The following CACNA1C variants were observed in gnomAD, a reference collection of about 807,000 sequenced individuals.
CACNA1C encodes calcium voltage-gated channel subunit alpha1 C.
Under a neutral mutation model 229.0 loss-of-function variants are expected in CACNA1C, and 30 were observed. That is an observed-to-expected ratio of 0.13 (90% CI 0.10 to 0.18). CACNA1C has a LOEUF of 0.18. Among genes scored for constraint, CACNA1C ranks in the 10% least tolerant of loss-of-function variants. CACNA1C has a pLI of 1.00. For synonymous variants in CACNA1C, 1,114 were observed against 1,132.5 expected (o/e 0.98, Z 0.33); for missense variants, 1,658 against 2,845.0 (o/e 0.58, Z 9.49).
rs886038904 is a variant in CACNA1C, at chr12:2,585,463, C to T, written c.2427C>T (p.Ile809=). The change falls in exon 17 of 47, where the codon ATC becomes ATT. Residue 809 remains isoleucine, a synonymous_variant. Transcript: ENST00000399655. The surrounding 1 kb of genome is among the most constrained non-coding windows in gnomAD (Gnocchi z 4.1). ...SKEEKIELKS[I]TADGESPPAT... is the part of the protein sequence containing the mutation. ...AGGAGAAGATTGAGCTGAAATCCATCACGGCTGACGGAGAGTCTCCACCCG... is the reference window on the plus strand; with the variant it reads ...AGGAGAAGATTGAGCTGAAATCCATTACGGCTGACGGAGAGTCTCCACCCG... The T allele has an allele frequency of 3.8e-6, 6 of 1,581,592 alleles. No homozygotes were observed. The highest frequency in any genetic ancestry group is 5.2e-6 in the Non-Finnish European group (6 of 1,163,068).
At chr12:2,542,496 G>A (rs1336300630) in intron 9 of CACNA1C, among the ~76,000 whole-genome samples, 1 of 152,194 alleles carries the variant, frequency 6.6e-6, no homozygotes. Context: ...CCGCTGATCA[G>A]TGCAGCCATA....
chr12:2,517,403 T>A (rs1683761649), intron 9 of CACNA1C, among the ~76,000 whole-genome samples: 1 of 152,218 alleles, frequency 6.6e-6, no homozygotes, highest in African/African-American at 2.4e-5. Flanking sequence ...CATCACGATG[T>A]TCCCTTCTAC....
chr12:2,004,768 C>G lies in CACNA1C; in HGVS notation c.139+33567C>G, dbSNP rs944671659. The G allele has an allele frequency of 2.8e-4, 79 of 285,108 alleles. No homozygotes were observed. The Middle Eastern group carries it at 3.1e-3, about 11-fold the overall frequency. The allele number at this position is 285,108 out of a possible 1,614,324, so 17.7% of individuals were successfully genotyped here. The stretch of plus-strand genomic sequence containing the variant: ...TTTCCTTCTTGGATGTGTTCGACCC[C>G]TTGGCATATCTTTTCTTTGGCGCTT... On this transcript the variant is annotated intron_variant, in intron 1 of 46. Transcript: ENST00000682462.
chr12:2,183,258 GAAAA>G (rs1230849553), intron 3 of CACNA1C, among the ~76,000 whole-genome samples: 3 of 149,938 alleles, frequency 2.0e-5, no homozygotes, highest in Non-Finnish European at 4.4e-5. Flanking sequence ...AAAAAAAAAA[GAAAA>G]AAGAAAGTTT....
chr12:2,672,263 A>AAGAT (rs2096601297), intron 38 of CACNA1C: 2 of 152,224 alleles, frequency 1.3e-5, no homozygotes, highest in African/African-American at 2.4e-5. Context: ...ACATAAAAGG[A>AAGAT]AGATAGTGAA....
chr12:2,566,736 C>A lies in CACNA1C; in HGVS notation c.1669+154C>A, dbSNP rs1203608459. On this transcript the variant is annotated intron_variant, in intron 12 of 46. Transcript: ENST00000399655. The surrounding 1 kb of genome is among the most constrained non-coding windows in gnomAD (Gnocchi z 4.0). ...TGTGCTGGAGACACCAAGGGCCTGG[C>A]AGTTCCAAAGCCCCACAATAAAATG... Among the ~76,000 whole-genome samples the A allele has an allele frequency of 6.6e-6, 1 of 152,208 alleles. No individual in the cohort carries two copies. Among genetic ancestry groups the A allele is most frequent in the Non-Finnish European group, 1.5e-5 (1 of 68,040 alleles).
intron 11 of CACNA1C, among the ~76,000 whole-genome samples, chr12:2,564,208 G>T (rs1372071725): frequency 6.6e-6 from 1 of 152,132 alleles, no homozygotes; most frequent in Non-Finnish European, 1.5e-5. Flanking sequence ...ACTTTAAAAA[G>T]CAGTTTCCTT....
In CACNA1C at chr12:2,653,912, C is replaced by A. The variant is rs771443449; in HGVS notation, c.4140+12C>A. ...TGATCGGGATGCAGGTAGGGAGGCT[C>A]CCACCACGGGGCTCCTGGCCTCCCG... On this transcript the variant is annotated intron_variant, in intron 33 of 46. Transcript: ENST00000399655. This position sits in a 1 kb window ranked among gnomAD's most constrained non-coding sequence, Gnocchi z 4.7. 2 of 1,612,276 alleles carry A rather than the reference C, an allele frequency of 1.2e-6. No homozygotes were observed.
chr12:2,385,827 T>G lies in CACNA1C; in HGVS notation c.478-63149T>G, dbSNP rs1438535969. Reference sequence around the variant, plus strand: ...GGATCTTTTTAAAATTACCCGTGCCTGGGTCTCACCCGTAGTGACTCCATA... The same window carrying G: ...GGATCTTTTTAAAATTACCCGTGCCGGGGTCTCACCCGTAGTGACTCCATA... On this transcript the variant is annotated intron_variant, in intron 3 of 46. Transcript: ENST00000399655. 2.0e-5 allele frequency among the ~76,000 whole-genome samples: 3 copies of G among 152,342 alleles called. 1 individual carries two copies. In the South Asian group the frequency reaches 6.2e-4, roughly 32 times the overall value.
In CACNA1C at chr12:2,410,440, GAT is replaced by G. The variant is rs2098793798; in HGVS notation, c.478-38532_478-38531del. On this transcript the variant is annotated intron_variant, in intron 3 of 46. Coordinates refer to ENST00000399655, the MANE Select transcript of CACNA1C (RefSeq NM_000719.7). The surrounding 1 kb of genome is among the most constrained non-coding windows in gnomAD (Gnocchi z 5.3). ...GGACCCCAGCAAGGAATTGGTGCAT[GAT>G]ATAGTTTTCGTTTTCAAAGGACCAT... 6.6e-6 allele frequency among the ~76,000 whole-genome samples: 1 copy of G among 152,236 alleles called. No homozygotes were observed. Among genetic ancestry groups the G allele is most frequent in the Non-Finnish European group, 1.5e-5 (1 of 68,032 alleles).
intron 9 of CACNA1C, among the ~76,000 whole-genome samples, chr12:2,520,778 A>G (rs896284998): frequency 1.1e-3 from 158 of 143,420 alleles, no homozygotes; most frequent in African/African-American, 4.3e-3. Flanking sequence ...CGTGTGCTTC[A>G]TAGGAGGGAA....
intron 1 of CACNA1C, among the ~76,000 whole-genome samples, chr12:2,110,217 T>G (rs2081120945): frequency 6.6e-6 from 1 of 152,134 alleles, no homozygotes. Flanking sequence ...CGTGCTGGGG[T>G]CCTGCCCTCA....
chr12:2,466,676 G>A (rs906875336), intron 5 of CACNA1C, among the ~76,000 whole-genome samples: 8 of 152,172 alleles, frequency 5.3e-5, no homozygotes, highest in African/African-American at 1.7e-4. Flanking sequence ...ACAAGCCTGG[G>A]TAGGCAGAGG....
At position 2,665,667 on chromosome 12, in the gene CACNA1C, T is replaced by TGAGTTTAAAAGAATCTGGGCA. The variant is rs767439789; in HGVS notation, c.4490_4510dup (p.Phe1497_Glu1503dup). 1 of 1,613,450 alleles carries TGAGTTTAAAAGAATCTGGGCA rather than the reference T, an allele frequency of 6.2e-7. No individual in the cohort carries two copies. Among genetic ancestry groups the TGAGTTTAAAAGAATCTGGGCA allele is most frequent in the Non-Finnish European group, 8.5e-7 (1 of 1,179,514 alleles). ...CCATCCTTGGTCCCCACCACCTGGATGAGTTTAAAAGAATCTGGGCAGAGT... is the reference window on the plus strand; with the variant it reads ...CCATCCTTGGTCCCCACCACCTGGATGAGTTTAAAAGAATCTGGGCAGAGTTTAAAAGAATCTGGGCAGAGT... On this transcript the variant is annotated inframe_insertion, in exon 36 of 47. Transcript: ENST00000399655. The surrounding 1 kb of genome is among the most constrained non-coding windows in gnomAD (Gnocchi z 5.9).
At chr12:2,615,152 G>A (rs1788514330) in intron 29 of CACNA1C, among the ~76,000 whole-genome samples, 1 of 152,202 alleles carries the variant, frequency 6.6e-6, no homozygotes, top group Non-Finnish European at 1.5e-5. Context: ...CCCTAGAAGT[G>A]AGAGGCCATG....
At chr12:2,180,753 T>C (rs1017486850) in intron 3 of CACNA1C, among the ~76,000 whole-genome samples, 1 of 152,178 alleles carries the variant, frequency 6.6e-6, no homozygotes, top group Admixed American at 6.5e-5. Context: ...GTGAGTTGTT[T>C]AATCTCTTAA....
intron 3 of CACNA1C, among the ~76,000 whole-genome samples, chr12:2,411,089 A>G (rs2098802518): frequency 2.0e-5 from 3 of 151,874 alleles, no homozygotes; most frequent in African/African-American, 7.3e-5. Context: ...GATGTCCCCA[A>G]CTGCTCCGCC....
intron 5 of CACNA1C, among the ~76,000 whole-genome samples, chr12:2,462,102 C>G (rs1438732487): frequency 6.6e-6 from 1 of 151,864 alleles, no homozygotes; most frequent in Non-Finnish European, 1.5e-5. Context: ...CCCTCCTCAC[C>G]AGCCCTCCAC....
chr12:2,365,695 T>C (rs1222849148), intron 3 of CACNA1C, among the ~76,000 whole-genome samples: 1 of 98,964 alleles, frequency 1.0e-5, no homozygotes, highest in African/African-American at 2.7e-5. Context: ...TGCTGGTTTT[T>C]AATTTAACAT....
Sources: allele counts gnomAD v4.1 joint callset (sites outside exome capture counted in the v4.1 genomes callset), GRCh38; gene constraint gnomAD v4.1.1; non-coding constraint Gnocchi (gnomAD v3.1); transcripts MANE v1.5; gene names NCBI Gene and HGNC (gene_info 2026-07-23, HGNC 2026-07-21).